Variants in DLEU7 observed in about 807,000 individuals in gnomAD.
DLEU7 encodes leukemia-associated protein 7.
DLEU7 carries 17 observed loss-of-function variants against 16.0 expected under a neutral mutation model. The ratio of observed to expected loss-of-function variants is 1.06; its 90% CI spans 0.73 to 1.59. DLEU7 has a LOEUF of 1.59. Among genes scored for constraint, DLEU7 ranks in the 40% most tolerant of loss-of-function variants. DLEU7 has a pLI of 0.00. For missense variants in DLEU7, 308 were observed against 314.9 expected (o/e 0.98, Z 0.17); for synonymous variants, 113 against 139.8 (o/e 0.81, Z 1.35).
chr13:50,803,489 C>T (rs1175227705), intron 1 of DLEU7, among the ~76,000 whole-genome samples: 1 of 151,990 alleles, frequency 6.6e-6, no homozygotes, highest in Non-Finnish European at 1.5e-5. Flanking sequence ...AGCCACCAGC[C>T]CCATGTGGCT....
Position 50,809,100 on chromosome 13 carries a change from A to G in DLEU7, c.459+34088T>C, listed in dbSNP as rs114930457. Among the ~76,000 whole-genome samples the G allele has an allele frequency of 4.8e-3, 732 of 152,278 alleles. 2 individuals carry two copies. The highest frequency in any genetic ancestry group is 0.016 in the African/African-American group (685 of 41,562). ...CTTGACTGACCCAGGCCTAAAAATGATAATAGCAACTTGGTGGAGTTATCT... is the reference window on the plus strand; with the variant it reads ...CTTGACTGACCCAGGCCTAAAAATGGTAATAGCAACTTGGTGGAGTTATCT... On this transcript the variant is annotated intron_variant, in intron 1 of 1. Transcript: ENST00000400393.
At position 50,843,338 on chromosome 13, in the gene DLEU7, G is replaced by A. The variant is rs747374364; in HGVS notation, c.309C>T (p.Phe103=). The A allele has an allele frequency of 4.1e-6, 6 of 1,476,046 alleles. No individual in the cohort carries two copies. The highest frequency in any genetic ancestry group is 5.4e-6 in the Non-Finnish European group (6 of 1,114,824). The allele number at this position is 1,476,046 out of a possible 1,614,324, so 91.4% of individuals were successfully genotyped here. A position where few individuals can be genotyped will look rare whatever the true frequency, so the allele number is the denominator to read the frequency against. ...GGGTGCAGGGCCCGCGGTCCCGGGG[G>A]AAGGGCAGCAACTCGGCGCCCCCCT... ...GAEGGAELLP[F]PRDRGPCTLA... The change falls in exon 1 of 2, where the codon TTC becomes TTT. Residue 103 remains phenylalanine, a synonymous_variant. Coordinates refer to ENST00000504404, the MANE Select transcript of DLEU7 (RefSeq NM_001306135.2). This position sits in a 1 kb window ranked among gnomAD's most constrained non-coding sequence, Gnocchi z 5.7.
At chr13:50,775,664 G>A (rs984590179) in intron 1 of DLEU7, among the ~76,000 whole-genome samples, 2 of 152,180 alleles carry the variant, frequency 1.3e-5, no homozygotes, top group African/African-American at 2.4e-5. Flanking sequence ...TGGGCTACAC[G>A]TAGATGGACT....
chr13:50,822,447 GAAC>G (rs1379216999), downstream of DLEU7, among the ~76,000 whole-genome samples: 6 of 150,928 alleles, frequency 4.0e-5, no homozygotes, highest in South Asian at 4.2e-4. Context: ...AGTCATCATT[GAAC>G]AACAAGAAAT....
At position 50,767,410 on chromosome 13, in the gene DLEU7, C is replaced by A. The variant is rs529157437; in HGVS notation, c.460-54170G>T. ...GGCGGAGCTTGCAGTGAGCCGAGATCGCGCCACTGCACTCCAGCCTGGGCG... is the reference window on the plus strand; with the variant it reads ...GGCGGAGCTTGCAGTGAGCCGAGATAGCGCCACTGCACTCCAGCCTGGGCG... On this transcript the variant is annotated intron_variant, in intron 1 of 1. Transcript: ENST00000400393. Among the ~76,000 whole-genome samples, 596 of 142,516 alleles carry A rather than the reference C, an allele frequency of 4.2e-3. 2 individuals are homozygous for A. The highest frequency in any genetic ancestry group is 6.8e-3 in the Non-Finnish European group (455 of 66,742). 93.5% of individuals were successfully genotyped at this position (142,516 alleles called of 152,430 possible).
chr13:50,830,353 C>T (rs1877222652), intron 1 of DLEU7, among the ~76,000 whole-genome samples: 1 of 152,196 alleles, frequency 6.6e-6, no homozygotes, highest in South Asian at 2.1e-4. Context: ...GCCTCCACCA[C>T]ATGACTGGAT....
At chr13:50,751,691 C>T (rs887169818) in intron 1 of DLEU7, among the ~76,000 whole-genome samples, 1 of 152,178 alleles carries the variant, frequency 6.6e-6, no homozygotes, top group Non-Finnish European at 1.5e-5. Context: ...GTTTATCCAT[C>T]ACTTCTAGGT....
intron 1 of DLEU7, among the ~76,000 whole-genome samples, chr13:50,830,000 A>G (rs1212316742): frequency 6.6e-6 from 1 of 152,220 alleles, no homozygotes; most frequent in African/African-American, 2.4e-5. Flanking sequence ...TTTCCATTCA[A>G]CAACAAAGCC....
intron 1 of DLEU7, among the ~76,000 whole-genome samples, chr13:50,730,606 A>G (rs1873887778): frequency 1.3e-5 from 2 of 152,092 alleles, no homozygotes; most frequent in Non-Finnish European, 2.9e-5. Context: ...AAGTAAAAAT[A>G]CTTTCCAGGG....
intron 1 of DLEU7, among the ~76,000 whole-genome samples, chr13:50,750,783 A>T (rs531945775): frequency 6.6e-5 from 10 of 152,168 alleles, no homozygotes; most frequent in Non-Finnish European, 1.3e-4. Context: ...ATTTGTGTAT[A>T]TTAACCTTGT....
intron 1 of DLEU7, among the ~76,000 whole-genome samples, chr13:50,799,948 A>G (rs1876203367): frequency 6.6e-6 from 1 of 152,210 alleles, no homozygotes; most frequent in Non-Finnish European, 1.5e-5. Flanking sequence ...ATGTGTGTAG[A>G]CACTATCAAA....
chr13:50,722,471 A>C (rs894088300), intron 1 of DLEU7, among the ~76,000 whole-genome samples: 3 of 152,162 alleles, frequency 2.0e-5, no homozygotes, highest in African/African-American at 7.2e-5. Flanking sequence ...TTGCCACTAC[A>C]CTTCTGGGAA....
chr13:50,743,718 C>G (rs911662291), intron 1 of DLEU7, among the ~76,000 whole-genome samples: 2 of 152,114 alleles, frequency 1.3e-5, no homozygotes, highest in African/African-American at 4.8e-5. Flanking sequence ...AAGCAATAAG[C>G]TCATGCATTA....
At chr13:50,751,440 C>A (rs1270492517) in intron 1 of DLEU7, among the ~76,000 whole-genome samples, 4 of 152,078 alleles carry the variant, frequency 2.6e-5, no homozygotes, top group South Asian at 4.1e-4. Context: ...TGATGCTGGC[C>A]TCATAGAATG....
At chr13:50,713,327 T>C (rs944992432) in intron 1 of DLEU7, 12 of 1,504,404 alleles carry the variant, frequency 8.0e-6, no homozygotes, top group African/African-American at 5.5e-5. Flanking sequence ...GAGCACTATA[T>C]TGCATTTTAG....
At chr13:50,733,558 CCCCACTCGTTAAGGGGGGCA>C (rs1386968254) in intron 1 of DLEU7, among the ~76,000 whole-genome samples, 1 of 151,970 alleles carries the variant, frequency 6.6e-6, no homozygotes, top group Non-Finnish European at 1.5e-5. Flanking sequence ...ACCAGCTTCT[CCCCACTCGTTAAGGGGGGCA>C]CCCAACTCCT....
At chr13:50,833,684 A>T (rs1877352258) in intron 1 of DLEU7, among the ~76,000 whole-genome samples, 2 of 152,184 alleles carry the variant, frequency 1.3e-5, no homozygotes, top group Non-Finnish European at 2.9e-5. Context: ...GAATTAGAAA[A>T]ATCTACTTTA....
chr13:50,773,929 G>C (rs940993106), intron 1 of DLEU7, among the ~76,000 whole-genome samples: 2 of 152,198 alleles, frequency 1.3e-5, no homozygotes, highest in Admixed American at 1.3e-4. Flanking sequence ...GCACCAGTTT[G>C]AGCTTCCAGG....
At chr13:50,788,200 C>T (rs1187375638) in intron 1 of DLEU7, among the ~76,000 whole-genome samples, 2 of 152,224 alleles carry the variant, frequency 1.3e-5, no homozygotes, top group Non-Finnish European at 2.9e-5. Flanking sequence ...TCTTAACCAA[C>T]TCTCTTGCCT....
Sources: allele counts gnomAD v4.1 joint callset (sites outside exome capture counted in the v4.1 genomes callset), GRCh38; gene constraint gnomAD v4.1.1; non-coding constraint Gnocchi (gnomAD v3.1); transcripts MANE v1.5; gene names NCBI Gene and HGNC (gene_info 2026-07-23, HGNC 2026-07-21).